WIPF3: variants seen among roughly 807,000 people sequenced by gnomAD.
WIPF3 encodes WAS/WASL interacting protein family member 3, also known as WAS/WASL-interacting protein family member 3.
WIPF3 carries 33 observed loss-of-function variants against 38.9 expected under a neutral mutation model. That is an observed-to-expected ratio of 0.85 (90% CI 0.64 to 1.14). The LOEUF (loss-of-function observed/expected upper bound fraction) is 1.14. Ranked by LOEUF, WIPF3 falls within the 50% of genes most tolerant of loss-of-function variation. The probability of loss-of-function intolerance (pLI) is 0.00; values close to 1 mark genes in which losing one functional copy is unlikely to be tolerated. For missense variants in WIPF3, 711 were observed against 652.5 expected (o/e 1.09, Z -0.98); for synonymous variants, 324 against 269.3 (o/e 1.20, Z -1.99).
intron 1 of WIPF3, among the ~76,000 whole-genome samples, chr7:29,824,034 T>C (rs1784579016): frequency 6.6e-6 from 1 of 152,212 alleles, no homozygotes; most frequent in African/African-American, 2.4e-5. Flanking sequence ...GCAGTGGCAT[T>C]TGGCATTCGG....
intron 2 of WIPF3, among the ~76,000 whole-genome samples, chr7:29,874,897 A>G (rs536248611): frequency 2.0e-5 from 3 of 152,344 alleles, no homozygotes; most frequent in Non-Finnish European, 4.4e-5. Context: ...CTAATGAAAG[A>G]GCATGTATCC....
chr7:29,910,686 T>A (rs897980702), intron 8 of WIPF3, among the ~76,000 whole-genome samples: 2 of 152,112 alleles, frequency 1.3e-5, no homozygotes, highest in Non-Finnish European at 2.9e-5. Flanking sequence ...TCTCAATTGA[T>A]GCAGAAAAAG....
At chr7:29,853,138 C>T (rs941818436) in intron 2 of WIPF3, among the ~76,000 whole-genome samples, 6 of 152,120 alleles carry the variant, frequency 3.9e-5, no homozygotes, top group Admixed American at 2.0e-4. Flanking sequence ...AATGGGTGTA[C>T]GGGGAACTGG....
At chr7:29,884,751 G>A (rs949500118) in intron 5 of WIPF3, among the ~76,000 whole-genome samples, 158 bp downstream of exon 5, 1 of 152,230 alleles carries the variant, frequency 6.6e-6, no homozygotes, top group African/African-American at 2.4e-5. Context: ...GTAAGCAAGG[G>A]ATCCCGGCCT....
intron 4 of WIPF3, 134 bp from the exon 5 acceptor site, chr7:29,883,716 G>A: frequency 2.3e-6 from 3 of 1,292,986 alleles, no homozygotes; most frequent in Non-Finnish European, 2.0e-6. Context: ...AGGCCTCTCA[G>A]TGGACACGTG....
intron 1 of WIPF3, among the ~76,000 whole-genome samples, chr7:29,809,359 C>T (rs545313754): frequency 6.6e-6 from 1 of 152,188 alleles, no homozygotes; most frequent in Non-Finnish European, 1.5e-5. Context: ...CCAGTGCCAT[C>T]GAGCATGGTT....
intron 3 of WIPF3, among the ~76,000 whole-genome samples, chr7:29,876,859 G>T (rs532430051): frequency 6.6e-6 from 1 of 152,254 alleles, no homozygotes; most frequent in Admixed American, 6.5e-5. Context: ...TTGAGTTCTG[G>T]TTCTGCAACC....
At chr7:29,849,143 C>T (rs1785050071) in intron 2 of WIPF3, among the ~76,000 whole-genome samples, 1 of 152,096 alleles carries the variant, frequency 6.6e-6, no homozygotes, top group Admixed American at 6.5e-5. Context: ...CCCAATCTGG[C>T]TCCTGTTTTT....
intron 2 of WIPF3, among the ~76,000 whole-genome samples, chr7:29,864,174 A>T (rs1032957137): frequency 2.6e-5 from 4 of 152,246 alleles, no homozygotes; most frequent in Middle Eastern, 3.4e-3. Context: ...TTATTTTTTT[A>T]AATCAGGTTG....
intron 7 of WIPF3, among the ~76,000 whole-genome samples, chr7:29,892,213 A>T (rs1583623475): frequency 6.6e-6 from 1 of 152,330 alleles, no homozygotes; most frequent in Admixed American, 6.5e-5. Context: ...ACACATGAGG[A>T]AACTGAGCCT....
In WIPF3 at chr7:29,823,802, C is replaced by T. The variant is rs932065613; in HGVS notation, c.-57-10866C>T. On this transcript the variant is annotated intron_variant, in intron 1 of 8. Transcript: ENST00000242140. This position sits in a 1 kb window ranked among gnomAD's most constrained non-coding sequence, Gnocchi z 4.0. ...CACGAGATCTGATTGTTTAAAAGTG[C>T]GTGGCACCCCCACCCCAGTCCTGCT... Among the ~76,000 whole-genome samples, 1 of 152,104 alleles carries T rather than the reference C, an allele frequency of 6.6e-6. No individual in the cohort carries two copies. The highest frequency in any genetic ancestry group is 1.5e-5 in the Non-Finnish European group (1 of 68,028).
Position 29,878,695 on chromosome 7 carries a change from G to C in WIPF3, c.224-314G>C, listed in dbSNP as rs1785656718. Reference sequence around the variant, plus strand: ...CATTTGGGTTTTCTAATTCGAAGGTGCTGCCAGTTGCTCTGTTAGCATCTA... The same window carrying C: ...CATTTGGGTTTTCTAATTCGAAGGTCCTGCCAGTTGCTCTGTTAGCATCTA... On this transcript the variant is annotated intron_variant, in intron 3 of 8. Coordinates refer to ENST00000242140, the MANE Select transcript of WIPF3 (RefSeq NM_001080529.3). This position sits in a 1 kb window ranked among gnomAD's most constrained non-coding sequence, Gnocchi z 4.0. 6.6e-6 allele frequency among the ~76,000 whole-genome samples: 1 copy of C among 152,228 alleles called. No homozygotes were observed. The highest frequency in any genetic ancestry group is 2.4e-5 in the African/African-American group (1 of 41,458).
At chr7:29,843,064 C>T (rs1409936695) in intron 2 of WIPF3, among the ~76,000 whole-genome samples, 44 of 152,194 alleles carry the variant, frequency 2.9e-4, no homozygotes, top group Non-Finnish European at 1.5e-5. Flanking sequence ...TGCTGCTTAA[C>T]AGTTTGCAAA....
chr7:29,809,170 TG>T (rs1784333352), intron 1 of WIPF3, among the ~76,000 whole-genome samples: 1 of 152,216 alleles, frequency 6.6e-6, no homozygotes, highest in East Asian at 1.9e-4. Flanking sequence ...TCCTGATGTG[TG>T]GTCTTCTAGT....
At chr7:29,818,395 A>G (rs1349582834) in intron 1 of WIPF3, among the ~76,000 whole-genome samples, 1 of 151,936 alleles carries the variant, frequency 6.6e-6, no homozygotes, top group Non-Finnish European at 1.5e-5. Context: ...GGAGGTTGCA[A>G]TGAGTTGAGA....
intron 8 of WIPF3, chr7:29,906,058 C>T (rs1216126593): frequency 6.6e-6 from 1 of 152,014 alleles, no homozygotes; most frequent in African/African-American, 2.4e-5. Context: ...AACCAGCAAA[C>T]CCTGGGGGAC....
In WIPF3 at chr7:29,844,223, C is replaced by CT. The variant is rs995601854; in HGVS notation, c.90+9417dup. On this transcript the variant is annotated intron_variant, in intron 2 of 8. Transcript: ENST00000242140. The surrounding 1 kb of genome is among the most constrained non-coding windows in gnomAD (Gnocchi z 4.8). ...AAAAGGGTTGGGTGATTTTTATTTT[C>CT]TTTTTTTTGTGAGTCTGCGTCTCCT... Among the ~76,000 whole-genome samples, 26 of 151,980 alleles carry CT rather than the reference C, an allele frequency of 1.7e-4. No homozygotes were observed. The highest frequency in any genetic ancestry group is 3.9e-4 in the Admixed American group (6 of 15,260).
intron 7 of WIPF3, among the ~76,000 whole-genome samples, chr7:29,899,074 G>A (rs895955286): frequency 6.6e-6 from 1 of 152,174 alleles, no homozygotes; most frequent in Non-Finnish European, 1.5e-5. Context: ...CTGGCTTGCA[G>A]AGGGCTACCT....
chr7:29,901,068 G>A (rs567888570), intron 7 of WIPF3, among the ~76,000 whole-genome samples: 13 of 152,350 alleles, frequency 8.5e-5, no homozygotes, highest in Middle Eastern at 3.4e-3. Context: ...TCTGTGGACA[G>A]GAGATGGAAG....
Sources: gnomAD v4.1 joint callset for allele counts (sites outside exome capture counted in the v4.1 genomes callset) on GRCh38, gnomAD v4.1.1 for gene constraint, Gnocchi (gnomAD v3.1) non-coding constraint, MANE v1.5 for transcripts, NCBI Gene and HGNC (gene_info 2026-07-23, HGNC 2026-07-21) for gene names.